GBE1: variants seen among roughly 807,000 people sequenced by gnomAD.
The protein encoded by GBE1 is 1,4-alpha-glucan branching enzyme 1.
Under a neutral mutation model 88.8 loss-of-function variants are expected in GBE1, and 70 were observed. That is an observed-to-expected ratio of 0.79 (90% CI 0.65 to 0.96). The LOEUF is 0.96. GBE1 is among the 40% of genes least tolerant of loss of function. The pLI is 0.00. For synonymous variants in GBE1, 284 were observed against 300.1 expected (o/e 0.95, Z 0.56); for missense variants, 872 against 871.0 (o/e 1.00, Z -0.01).
At chr3:81,594,300 C>T (rs139655864) in intron 7 of GBE1, among the ~76,000 whole-genome samples, 1 of 151,984 alleles carries the variant, frequency 6.6e-6, no homozygotes, top group South Asian at 2.1e-4. Flanking sequence ...ATTCCAAAAC[C>T]AGAGACCCTG....
chr3:81,504,229 A>T (rs979446448), intron 14 of GBE1, among the ~76,000 whole-genome samples: 18 of 152,346 alleles, frequency 1.2e-4, no homozygotes, highest in Admixed American at 3.3e-4. Flanking sequence ...CCAAGCATAA[A>T]GAGGACAGAA....
intron 12 of GBE1, among the ~76,000 whole-genome samples, chr3:81,552,518 TATAAAAAAAAAAAAAAAAAAAAAA>T (rs1269546849): frequency 3.0e-5 from 1 of 33,304 alleles, no homozygotes; most frequent in Admixed American, 5.2e-4. Context: ...CTCTATCTTA[TATAAAAAAAAAAAAAAAAAAAAAA>T]AAAAGAAGGC....
chr3:81,732,546 CTCTT>C (rs1706203788), intron 1 of GBE1, among the ~76,000 whole-genome samples: 1 of 152,094 alleles, frequency 6.6e-6, no homozygotes, highest in Non-Finnish European at 1.5e-5. Context: ...CTTGATTCTT[CTCTT>C]TCTCTCACAT....
intron 7 of GBE1, among the ~76,000 whole-genome samples, chr3:81,633,378 C>G (rs1300485190): frequency 6.6e-6 from 1 of 152,098 alleles, no homozygotes; most frequent in Non-Finnish European, 1.5e-5. Context: ...GAAAGATTAA[C>G]CTGGCTGTGG....
At chr3:81,655,230 G>A (rs1263937849) in intron 3 of GBE1, among the ~76,000 whole-genome samples, 4 of 152,080 alleles carry the variant, frequency 2.6e-5, no homozygotes, top group Admixed American at 1.3e-4. Flanking sequence ...ATTTTTAGTA[G>A]AGAAAGGGTT....
At chr3:81,723,261 G>GTTTTTT (rs1189151311) in intron 1 of GBE1, among the ~76,000 whole-genome samples, 2 of 73,576 alleles carry the variant, frequency 2.7e-5, no homozygotes, top group African/African-American at 4.2e-5. Context: ...AAGTTGTTTT[G>GTTTTTT]TTTTTTTTTT....
intron 15 of GBE1, among the ~76,000 whole-genome samples, chr3:81,492,824 G>T (rs1190839019): frequency 6.6e-6 from 1 of 150,552 alleles, no homozygotes; most frequent in Non-Finnish European, 1.5e-5. Flanking sequence ...TGCAATCTCC[G>T]CCTCCCAGGT....
chr3:81,696,362 T>C (rs1487364695), intron 2 of GBE1, among the ~76,000 whole-genome samples: 2 of 152,178 alleles, frequency 1.3e-5, no homozygotes, highest in Non-Finnish European at 2.9e-5. Flanking sequence ...ACCTGTGGCA[T>C]AAGAAAGAAA....
At chr3:81,607,518 C>T (rs1225875420) in intron 7 of GBE1, among the ~76,000 whole-genome samples, 1 of 152,136 alleles carries the variant, frequency 6.6e-6, no homozygotes, top group Non-Finnish European at 1.5e-5. Context: ...CACTGCACTC[C>T]AGCCTGGCGA....
At chr3:81,675,873 C>T (rs1705244949) in intron 2 of GBE1, among the ~76,000 whole-genome samples, 1 of 152,048 alleles carries the variant, frequency 6.6e-6, no homozygotes, top group Non-Finnish European at 1.5e-5. Context: ...ATACAGTTCT[C>T]TGTTTTAATG....
At chr3:81,498,963 C>A in intron 15 of GBE1, 147 bp downstream of exon 15, 1 of 582,578 alleles carries the variant, frequency 1.7e-6, no homozygotes. Context: ...TTACATCTGG[C>A]CAAGCGTAGT....
intron 1 of GBE1, among the ~76,000 whole-genome samples, chr3:81,731,876 C>T (rs1204655081): frequency 1.3e-5 from 2 of 152,116 alleles, no homozygotes; most frequent in African/African-American, 4.8e-5. Flanking sequence ...TACTCAGTTT[C>T]AGGTATTTCT....
At chr3:81,740,766 G>GCACACACACACACACACACACA (rs71633686) in intron 1 of GBE1, among the ~76,000 whole-genome samples, 3 of 149,192 alleles carry the variant, frequency 2.0e-5, no homozygotes, top group African/African-American at 5.0e-5. Flanking sequence ...GTTAGAAAGT[G>GCACACACACACACACACACACA]CACACACACA....
rs1428157732 is a variant in GBE1 at position 81,492,712 on chromosome 3, C to CTT, written c.2053-2250_2053-2249insAA. Among the ~76,000 whole-genome samples, 987 of 125,908 alleles carry CTT rather than the reference C, an allele frequency of 7.8e-3. 8 individuals carry two copies. The highest frequency in any genetic ancestry group is 0.037 in the Middle Eastern group (9 of 244). 82.6% of individuals were successfully genotyped at this position (125,908 alleles called of 152,430 possible). ...TCTCCCTTTCTCCCTTTCTTCCTTT[C>CTT]CTTCCTTCCTTCCTTCCTTCCTTTT... On this transcript the variant is annotated intron_variant, in intron 15 of 15. Coordinates refer to ENST00000429644, the MANE Select transcript of GBE1 (RefSeq NM_000158.4).
chr3:81,699,454 C>G (rs919978007), intron 2 of GBE1, among the ~76,000 whole-genome samples: 2 of 152,054 alleles, frequency 1.3e-5, no homozygotes, highest in Non-Finnish European at 2.9e-5. Context: ...AGTCAGGGTT[C>G]TCTTAGAGGG....
chr3:81,657,149 C>CA (rs1182921094), intron 3 of GBE1, among the ~76,000 whole-genome samples: 2 of 141,738 alleles, frequency 1.4e-5, no homozygotes, highest in East Asian at 2.0e-4. Context: ...AAAAAAAAAA[C>CA]AAAACAAAAA....
intron 11 of GBE1, among the ~76,000 whole-genome samples, chr3:81,578,504 A>C (rs1365471557): frequency 6.6e-6 from 1 of 150,890 alleles, no homozygotes; most frequent in Non-Finnish European, 1.5e-5. Flanking sequence ...AAAATCATTG[A>C]TATATAATAT....
intron 7 of GBE1, among the ~76,000 whole-genome samples, chr3:81,610,750 G>A (rs374608730): frequency 1.3e-5 from 2 of 152,084 alleles, no homozygotes; most frequent in Admixed American, 6.6e-5. Context: ...GGGGGGCACC[G>A]TGTTCCACAG....
chr3:81,645,836 T>C (rs1372659689), intron 6 of GBE1, among the ~76,000 whole-genome samples: 1 of 152,238 alleles, frequency 6.6e-6, no homozygotes, highest in Admixed American at 6.5e-5. Flanking sequence ...GCAATGTCTA[T>C]ATGCCATACA....
Sources: gnomAD v4.1 joint callset for allele counts (sites outside exome capture counted in the v4.1 genomes callset) on GRCh38, gnomAD v4.1.1 for gene constraint, MANE v1.5 for transcripts, NCBI Gene and HGNC (gene_info 2026-07-23, HGNC 2026-07-21) for gene names.